CHRNB4: variants seen among roughly 807,000 people sequenced by gnomAD.
The protein encoded by CHRNB4 is cholinergic receptor nicotinic beta 4 subunit.
In CHRNB4, 23 loss-of-function variants were observed where a neutral mutation model predicts 40.4. The ratio of observed to expected loss-of-function variants is 0.57; its 90% CI spans 0.41 to 0.81. CHRNB4 has a LOEUF of 0.81. CHRNB4 is among the 30% of genes least tolerant of loss of function. The probability of loss-of-function intolerance (pLI) is 0.00; values close to 1 mark genes in which losing one functional copy is unlikely to be tolerated. For missense variants in CHRNB4, 568 were observed against 670.6 expected, an observed-to-expected ratio of 0.85 and a Z score of 1.69; for synonymous variants, 285 against 274.4, an observed-to-expected ratio of 1.04 and a Z score of -0.38.
chr15:78,627,974 T>C (rs2053697131), intron 5 of CHRNB4: 1 of 152,236 alleles, frequency 6.6e-6, no homozygotes, highest in African/African-American at 2.4e-5. Context: ...AAGACCAGCC[T>C]GGCCAACATG....
intron 7 of CHRNB4, among the ~76,000 whole-genome samples, chr15:78,647,879 A>AAAAAAT (rs2054139342): frequency 6.7e-6 from 1 of 150,116 alleles, no homozygotes; most frequent in Admixed American, 6.7e-5. Flanking sequence ...AAAAAAAAAA[A>AAAAAAT]AAAAAAGAGA....
chr15:78,629,541 T>A lies in CHRNB4; in HGVS notation c.764A>T (p.Tyr255Phe). 1 of 1,614,086 alleles carries A rather than the reference T, an allele frequency of 6.2e-7. No individual in the cohort carries two copies. Among genetic ancestry groups the A allele is most frequent in the Non-Finnish European group, 8.5e-7 (1 of 1,180,002 alleles). ...CTTCTCGCCGCAGTCGGATGGCAGG[T>A]AGAAGACGAGGATGGCCAGCAAGGT... ...LTTLLAILVF[Y>F]LPSDCGEKMT... The change falls in exon 5 of 6, where the codon TAC becomes TTC. Residue 255 changes from tyrosine to phenylalanine, a missense_variant. Around this residue, in one of 4 missense-constraint regions of CHRNB4, gnomAD observed 38 missense variants for 80.3 expected, o/e 0.47. Coordinates refer to ENST00000261751, the MANE Select transcript of CHRNB4 (RefSeq NM_000750.5). The surrounding 1 kb of genome is among the most constrained non-coding windows in gnomAD (Gnocchi z 6.8).
At chr15:78,658,887 T>C (rs1380229247) in intron 1 of CHRNB4, among the ~76,000 whole-genome samples, 1 of 152,182 alleles carries the variant, frequency 6.6e-6, no homozygotes, top group East Asian at 1.9e-4. Context: ...AAAACCTCTG[T>C]TATAAACACT....
rs767797433 is a variant in CHRNB4 at position 78,629,302 on chromosome 15, G to A, written c.1003C>T (p.Arg335Cys). ...STHTMAPWVK[R>C]CFLHKLPTFL... ...GTAGGCAGCTTGTGCAGGAAGCAGC[G>A]CTTGACCCAGGGTGCCATGGTGTGG... Residue 335 changes from arginine (R) to cysteine (C), a missense_variant, in exon 5 of 6, where the codon CGC becomes TGC. Physicochemically the swap from Arg to Cys is radical, Grantham distance 180. Around this residue, in one of 4 missense-constraint regions of CHRNB4, gnomAD observed 242 missense variants for 274.9 expected, o/e 0.88. Transcript: ENST00000261751. The surrounding 1 kb of genome is among the most constrained non-coding windows in gnomAD (Gnocchi z 6.8). The A allele has an allele frequency of 6.8e-6, 11 of 1,613,708 alleles. No homozygotes were observed. The highest frequency in any genetic ancestry group is 3.3e-4 in the Middle Eastern group (2 of 6,084).
intron 2 of CHRNB4, among the ~76,000 whole-genome samples, chr15:78,633,571 T>G (rs1255989793): frequency 2.6e-5 from 4 of 152,234 alleles, no homozygotes; most frequent in African/African-American, 9.6e-5. Flanking sequence ...TTACATTTAA[T>G]GTAGTTACTG....
At chr15:78,639,544 C>T (rs1451526744) in intron 1 of CHRNB4, among the ~76,000 whole-genome samples, 8 of 152,272 alleles carry the variant, frequency 5.3e-5, no homozygotes, top group African/African-American at 1.9e-4. Context: ...GTGATCCGCC[C>T]GCCTCTGCCT....
chr15:78,660,842 C>A (rs1307720732), upstream of CHRNB4: 2 of 323,724 alleles, frequency 6.2e-6, no homozygotes, highest in African/African-American at 2.2e-5. Flanking sequence ...ATTATCTCAG[C>A]GGTTGCTGTG....
At chr15:78,638,632 G>GC (rs1406384442) in intron 1 of CHRNB4, among the ~76,000 whole-genome samples, 2 of 152,044 alleles carry the variant, frequency 1.3e-5, no homozygotes, top group South Asian at 2.1e-4. Flanking sequence ...GGGGGCCGGG[G>GC]GGGTGGTGCA....
intron 5 of CHRNB4, among the ~76,000 whole-genome samples, chr15:78,628,509 C>T (rs2053712269): frequency 6.6e-6 from 1 of 152,204 alleles, no homozygotes; most frequent in South Asian, 2.1e-4. Context: ...GGGCTACCCT[C>T]ATCCTTTAGG....
At chr15:78,652,381 T>G (rs1023804973) in intron 6 of CHRNB4, among the ~76,000 whole-genome samples, 1 of 152,208 alleles carries the variant, frequency 6.6e-6, no homozygotes, top group Non-Finnish European at 1.5e-5. Context: ...ACAGAGCCAG[T>G]AGCATTGGTG....
At chr15:78,661,183 G>A (rs2054250180), upstream of CHRNB4, 2 of 615,414 alleles carry the variant, frequency 3.2e-6, no homozygotes, top group Non-Finnish European at 6.3e-6. Flanking sequence ...GCCCTTGAGA[G>A]AACCAAAGAG....
At chr15:78,648,371 C>T (rs1182877729) in intron 7 of CHRNB4, among the ~76,000 whole-genome samples, 2 of 138,952 alleles carry the variant, frequency 1.4e-5, no homozygotes, top group South Asian at 2.2e-4. Context: ...CCAGCCTGGG[C>T]GACAGAGCGA....
chr15:78,647,991 A>T (rs2054140577), intron 7 of CHRNB4, among the ~76,000 whole-genome samples: 1 of 152,094 alleles, frequency 6.6e-6, no homozygotes, highest in Admixed American at 6.6e-5. Flanking sequence ...GTCTCCCAAA[A>T]TTCAAATTAA....
chr15:78,625,264 T>C lies in CHRNB4; in HGVS notation c.1366A>G (p.Met456Val), dbSNP rs369827878. ...CACAGGAACAGCCGGTCCACCACCA[T>C]AGCCACGTACTTCCAGTCCTCAACG... ...SVVEDWKYVAMVVDRLFLWVF... is the reference protein window; with the variant it reads ...SVVEDWKYVAVVVDRLFLWVF... Residue 456 changes from methionine (M) to valine (V), a missense_variant, in exon 6 of 6, where the codon ATG becomes GTG. Around this residue, in one of 4 missense-constraint regions of CHRNB4, gnomAD observed 242 missense variants for 274.9 expected, o/e 0.88. Transcript: ENST00000261751. 103 of 1,551,738 alleles carry C rather than the reference T, an allele frequency of 6.6e-5. No individual in the cohort carries two copies. Among genetic ancestry groups the C allele is most frequent in the Non-Finnish European group, 8.6e-5 (99 of 1,150,738 alleles).
chr15:78,661,132 G>A (rs965311154), upstream of CHRNB4: 17 of 620,940 alleles, frequency 2.7e-5, no homozygotes, highest in Admixed American at 2.4e-4. Flanking sequence ...GTGGCTGTGC[G>A]GCGTTCCTGG....
intron 1 of CHRNB4, chr15:78,660,503 TAA>T (rs1261760599): frequency 6.6e-6 from 1 of 152,568 alleles, no homozygotes; most frequent in Non-Finnish European, 1.5e-5. Flanking sequence ...GGACATTTGA[TAA>T]ACTTACCTCT....
intron 5 of CHRNB4, among the ~76,000 whole-genome samples, chr15:78,654,499 G>T (rs1214003046): frequency 1.3e-5 from 2 of 152,196 alleles, no homozygotes; most frequent in Admixed American, 1.3e-4. Context: ...CTTGCAATCT[G>T]CAGCTTCCTA....
chr15:78,661,631 G>C (rs1369376893), upstream of CHRNB4: 1 of 460,318 alleles, frequency 2.2e-6, no homozygotes, highest in Non-Finnish European at 4.3e-6. Flanking sequence ...TGCTCGGCCA[G>C]TTCCGGAAAG....
At chr15:78,655,567 G>T (rs1250731149) in exon 5 of CHRNB4, 1 of 150,720 alleles carries the variant, frequency 6.6e-6, no homozygotes, top group South Asian at 2.1e-4. Flanking sequence ...CCACTTGGGA[G>T]GCTGAGGTAG....
Sources: allele counts gnomAD v4.1 joint callset (sites outside exome capture counted in the v4.1 genomes callset), GRCh38; gene constraint gnomAD v4.1.1; regional missense constraint gnomAD v4.1.1; non-coding constraint Gnocchi (gnomAD v3.1); transcripts MANE v1.5; gene names NCBI Gene and HGNC (gene_info 2026-07-23, HGNC 2026-07-21).